The following ARHGAP15 variants were observed in gnomAD, a reference collection of about 807,000 sequenced individuals.
ARHGAP15 encodes Rho GTPase activating protein 15.
In ARHGAP15, 51 loss-of-function variants were observed where a neutral mutation model predicts 63.7. The observed-to-expected ratio is 0.80, with a 90% CI of 0.64 to 1.01. The LOEUF is 1.01. ARHGAP15 is among the 50% of genes least tolerant of loss of function. The pLI is 0.00. For synonymous variants in ARHGAP15, 191 were observed against 193.8 expected, an observed-to-expected ratio of 0.99 and a Z score of 0.12; for missense variants, 560 against 564.6, an observed-to-expected ratio of 0.99 and a Z score of 0.08.
chr2:143,168,990 G>A (rs1404133742), intron 2 of ARHGAP15, among the ~76,000 whole-genome samples: 1 of 152,026 alleles, frequency 6.6e-6, no homozygotes, highest in East Asian at 1.9e-4. Flanking sequence ...AAGCCTTAAT[G>A]GATAGAGAAG....
chr2:143,238,893 G>GGGACATGGAT (rs1693757212), intron 5 of ARHGAP15, among the ~76,000 whole-genome samples: 1 of 152,130 alleles, frequency 6.6e-6, no homozygotes, highest in Non-Finnish European at 1.5e-5. Context: ...GACCTTTGCA[G>GGGACATGGAT]GGACATGGAT....
chr2:143,720,494 T>C (rs977866388), intron 13 of ARHGAP15, among the ~76,000 whole-genome samples: 2 of 151,970 alleles, frequency 1.3e-5, no homozygotes, highest in Admixed American at 6.5e-5. Context: ...GTCAACTAAT[T>C]GCTAGAAAAA....
intron 9 of ARHGAP15, among the ~76,000 whole-genome samples, chr2:143,512,642 G>A (rs1328504445): frequency 6.6e-6 from 1 of 152,228 alleles, no homozygotes; most frequent in African/African-American, 2.4e-5. Context: ...TTTGCCAGGT[G>A]TATTTGCTTG....
intron 12 of ARHGAP15, among the ~76,000 whole-genome samples, chr2:143,687,099 G>GA (rs1224029534): frequency 6.6e-6 from 1 of 152,142 alleles, no homozygotes; most frequent in Non-Finnish European, 1.5e-5. Flanking sequence ...TTAGGGATAT[G>GA]AATCAGCTGG....
intron 6 of ARHGAP15, among the ~76,000 whole-genome samples, chr2:143,318,260 T>TC (rs1683817993): frequency 6.6e-6 from 1 of 151,872 alleles, no homozygotes; most frequent in African/African-American, 2.4e-5. Flanking sequence ...CCCACCTCGA[T>TC]CTCCCAAAGA....
At chr2:143,228,909 G>C (rs1693330725) in intron 5 of ARHGAP15, among the ~76,000 whole-genome samples, 1 of 152,164 alleles carries the variant, frequency 6.6e-6, no homozygotes, top group South Asian at 2.1e-4. Flanking sequence ...CAGCTATGTA[G>C]TAATGCGAAG....
intron 12 of ARHGAP15, among the ~76,000 whole-genome samples, chr2:143,701,281 TCTAAA>T (rs1684078411): frequency 6.6e-6 from 1 of 152,232 alleles, no homozygotes; most frequent in African/African-American, 2.4e-5. Context: ...CCTGCCAGTT[TCTAAA>T]CTAACTCTTT....
chr2:143,537,299 T>A (rs1367509847), intron 10 of ARHGAP15, among the ~76,000 whole-genome samples: 1 of 152,194 alleles, frequency 6.6e-6, no homozygotes, highest in Non-Finnish European at 1.5e-5. Flanking sequence ...GATGAGTAAG[T>A]TGCAAAAATT....
chr2:143,575,231 T>C (rs1696631398), intron 11 of ARHGAP15, among the ~76,000 whole-genome samples: 1 of 152,184 alleles, frequency 6.6e-6, no homozygotes, highest in South Asian at 2.1e-4. Flanking sequence ...CTTTAAAGAT[T>C]ACTTTTACTA....
intron 6 of ARHGAP15, among the ~76,000 whole-genome samples, chr2:143,407,979 C>CTG (rs1358322810): frequency 0.086 from 6,333 of 74,010 alleles, 567 homozygotes; most frequent in East Asian, 0.16. Flanking sequence ...AGTCTGACTT[C>CTG]TGTGTGTGTA....
rs77808025 is a variant in ARHGAP15, at chr2:143,509,528, T to G, written c.827-9738T>G. ...AGCACTTACAGTATATTCTGTCGTG[T>G]TTTAGCATTAGGCGTATTTTTTCTG... On this transcript the variant is annotated intron_variant, in intron 9 of 13. Transcript: ENST00000295095. 5.4e-3 allele frequency among the ~76,000 whole-genome samples: 825 copies of G among 152,248 alleles called. 9 individuals carry two copies. The highest frequency in any genetic ancestry group is 0.018 in the African/African-American group (764 of 41,534).
chr2:143,420,293 G>C (rs1688863610), intron 6 of ARHGAP15, among the ~76,000 whole-genome samples: 1 of 152,134 alleles, frequency 6.6e-6, no homozygotes, highest in South Asian at 2.1e-4. Context: ...GGGAAAGAAA[G>C]GGATGAACAG....
chr2:143,633,585 A>C (rs1680157637), intron 12 of ARHGAP15, among the ~76,000 whole-genome samples: 1 of 152,124 alleles, frequency 6.6e-6, no homozygotes. Context: ...TTTCAAAGCA[A>C]TAAACTCTTC....
At chr2:143,199,415 G>A in intron 2 of ARHGAP15, among the ~76,000 whole-genome samples, 1 of 152,120 alleles carries the variant, frequency 6.6e-6, no homozygotes, top group East Asian at 1.9e-4. Context: ...TTTCTCTTAA[G>A]TATAAAATTA....
At chr2:143,746,656 T>C (rs1686176322) in intron 13 of ARHGAP15, among the ~76,000 whole-genome samples, 1 of 152,226 alleles carries the variant, frequency 6.6e-6, no homozygotes, top group Non-Finnish European at 1.5e-5. Context: ...AGGTAACATA[T>C]CACCTAAATG....
intron 6 of ARHGAP15, among the ~76,000 whole-genome samples, chr2:143,332,045 A>G (rs1051064633): frequency 3.3e-5 from 5 of 152,158 alleles, no homozygotes; most frequent in African/African-American, 1.2e-4. Flanking sequence ...AGAAAATAAT[A>G]ATGCAGATGT....
At chr2:143,367,176 T>C (rs1423759800) in intron 6 of ARHGAP15, among the ~76,000 whole-genome samples, 1 of 152,084 alleles carries the variant, frequency 6.6e-6, no homozygotes, top group Non-Finnish European at 1.5e-5. Context: ...GTAATGTATG[T>C]CTGTGTTTGC....
At chr2:143,673,268 C>T (rs1019999501) in intron 12 of ARHGAP15, among the ~76,000 whole-genome samples, 6 of 151,944 alleles carry the variant, frequency 3.9e-5, no homozygotes, top group Non-Finnish European at 8.8e-5. Flanking sequence ...CTAAGAAGTA[C>T]GCAGAGACAC....
At chr2:143,163,258 G>A (rs1323306210) in intron 2 of ARHGAP15, among the ~76,000 whole-genome samples, 3 of 151,782 alleles carry the variant, frequency 2.0e-5, no homozygotes, top group Non-Finnish European at 4.4e-5. Flanking sequence ...GTAATGGCAC[G>A]GTAGCATCTT....
Sources: allele counts gnomAD v4.1 joint callset (sites outside exome capture counted in the v4.1 genomes callset), GRCh38; gene constraint gnomAD v4.1.1; transcripts MANE v1.5; gene names NCBI Gene and HGNC (gene_info 2026-07-23, HGNC 2026-07-21).